PLXNA4: variants seen among roughly 807,000 people sequenced by gnomAD.
The protein encoded by PLXNA4 is plexin A4.
PLXNA4 carries 44 observed loss-of-function variants against 191.8 expected under a neutral mutation model. That is an observed-to-expected ratio of 0.23 (90% CI 0.18 to 0.29). The LOEUF (loss-of-function observed/expected upper bound fraction) is 0.29, where lower values mean the gene tolerates loss of function less well. PLXNA4 is among the 10% of genes least tolerant of loss of function. The pLI is 1.00. For synonymous variants in PLXNA4, 1,082 were observed against 1,009.5 expected, an observed-to-expected ratio of 1.07 and a Z score of -1.36; for missense variants, 1,800 against 2,488.8, an observed-to-expected ratio of 0.72 and a Z score of 5.89.
At chr7:132,309,517 G>A (rs1278885088) in intron 3 of PLXNA4, among the ~76,000 whole-genome samples, 1 of 152,154 alleles carries the variant, frequency 6.6e-6, no homozygotes, top group Non-Finnish European at 1.5e-5. Flanking sequence ...CACATGGGGA[G>A]GCTACCTCCT....
chr7:132,647,911 ACT>A (rs1369433531), intron 1 of PLXNA4, among the ~76,000 whole-genome samples: 2 of 151,888 alleles, frequency 1.3e-5, no homozygotes, highest in African/African-American at 4.8e-5. Context: ...ACGAACACAC[ACT>A]GTCATACACT....
intron 3 of PLXNA4, among the ~76,000 whole-genome samples, chr7:132,421,619 A>AACTACCTTCT (rs1372114786): frequency 1.3e-5 from 2 of 152,138 alleles, no homozygotes; most frequent in Non-Finnish European, 2.9e-5. Flanking sequence ...AAACAAAAAT[A>AACTACCTTCT]ACTACCTTCT....
At chr7:132,192,669 C>T (rs1797130246) in intron 14 of PLXNA4, among the ~76,000 whole-genome samples, 1 of 152,148 alleles carries the variant, frequency 6.6e-6, no homozygotes, top group Non-Finnish European at 1.5e-5. Context: ...AGGCTTCCAG[C>T]TTCCAAAAGC....
At chr7:132,467,573 G>A (rs1383165586) in intron 3 of PLXNA4, among the ~76,000 whole-genome samples, 2 of 152,188 alleles carry the variant, frequency 1.3e-5, no homozygotes, top group African/African-American at 4.8e-5. Flanking sequence ...AGCACATCCT[G>A]TGCCAAGCAC....
intron 14 of PLXNA4, among the ~76,000 whole-genome samples, chr7:132,191,563 T>C (rs546186614): frequency 3.3e-5 from 5 of 152,166 alleles, no homozygotes; most frequent in Admixed American, 1.3e-4. Context: ...GAGGTGGCTC[T>C]AGCCCTGTCC....
intron 3 of PLXNA4, among the ~76,000 whole-genome samples, chr7:132,411,180 A>C (rs1794445140): frequency 1.3e-5 from 2 of 152,218 alleles, no homozygotes; most frequent in African/African-American, 4.8e-5. Context: ...GAGTTGCTCC[A>C]TGTGTCCAAA....
intron 1 of PLXNA4, among the ~76,000 whole-genome samples, chr7:132,509,410 C>T (rs1798618965): frequency 6.6e-6 from 1 of 152,188 alleles, no homozygotes; most frequent in African/African-American, 2.4e-5. Flanking sequence ...CCTTTATTAA[C>T]CTTTTCTCAA....
intron 15 of PLXNA4, among the ~76,000 whole-genome samples, chr7:132,186,633 G>A (rs1796886617): frequency 2.0e-5 from 3 of 152,208 alleles, no homozygotes; most frequent in Admixed American, 2.0e-4. Flanking sequence ...GCAAAAAAGT[G>A]TGGCACCTGT....
At chr7:132,262,794 G>C (rs971690387) in intron 4 of PLXNA4, among the ~76,000 whole-genome samples, 1 of 152,142 alleles carries the variant, frequency 6.6e-6, no homozygotes, top group African/African-American at 2.4e-5. Flanking sequence ...GGAAGGCAGA[G>C]ATGCTGGGTC....
chr7:132,235,682 C>T (rs1489603066), intron 5 of PLXNA4, among the ~76,000 whole-genome samples: 1 of 152,114 alleles, frequency 6.6e-6, no homozygotes, highest in Non-Finnish European at 1.5e-5. Flanking sequence ...CTGGGCCAAT[C>T]GATGCGGCTG....
At chr7:132,368,310 T>A (rs1441585111) in intron 3 of PLXNA4, among the ~76,000 whole-genome samples, 1 of 151,962 alleles carries the variant, frequency 6.6e-6, no homozygotes, top group Non-Finnish European at 1.5e-5. Flanking sequence ...ACTACTAAGG[T>A]ATGAGAGAAA....
intron 9 of PLXNA4, among the ~76,000 whole-genome samples, chr7:132,214,588 C>T (rs1797907189): frequency 6.6e-6 from 1 of 152,100 alleles, no homozygotes; most frequent in Non-Finnish European, 1.5e-5. Context: ...CTGACCTGCC[C>T]CGCGCTGAGA....
chr7:132,646,261 G>A (rs1031055481), intron 1 of PLXNA4, among the ~76,000 whole-genome samples: 1 of 151,972 alleles, frequency 6.6e-6, no homozygotes, highest in African/African-American at 2.4e-5. Flanking sequence ...TGAGTCATCC[G>A]AGGATACAGC....
At chr7:132,573,479 C>G (rs1032605183) in intron 1 of PLXNA4, among the ~76,000 whole-genome samples, 2 of 152,166 alleles carry the variant, frequency 1.3e-5, no homozygotes. Flanking sequence ...GACCCAGCCC[C>G]TTTAGCTCTC....
chr7:132,318,328 C>T (rs183504416), intron 3 of PLXNA4, among the ~76,000 whole-genome samples: 1 of 152,200 alleles, frequency 6.6e-6, no homozygotes, highest in Non-Finnish European at 1.5e-5. Context: ...GAAACTGAGG[C>T]AGAAAAGAGC....
At chr7:132,275,314 T>C (rs1800231619) in intron 4 of PLXNA4, among the ~76,000 whole-genome samples, 1 of 152,212 alleles carries the variant, frequency 6.6e-6, no homozygotes, top group Non-Finnish European at 1.5e-5. Context: ...CCCCCAATGG[T>C]TATATTTTAC....
intron 4 of PLXNA4, among the ~76,000 whole-genome samples, chr7:132,267,493 A>T (rs1004457527): frequency 9.2e-5 from 14 of 152,336 alleles, no homozygotes; most frequent in Middle Eastern, 3.4e-3. Flanking sequence ...GTCTAGACAC[A>T]CATGCCCCAA....
At chr7:132,628,339 T>G (rs906633037) in intron 2 of PLXNA4, among the ~76,000 whole-genome samples, 1 of 152,184 alleles carries the variant, frequency 6.6e-6, no homozygotes, top group Non-Finnish European at 1.5e-5. Flanking sequence ...TCTCTTGCTC[T>G]GTCTCTCTCT....
At chr7:132,443,485 ATC>A (rs1795776147) in intron 3 of PLXNA4, among the ~76,000 whole-genome samples, 3 of 152,100 alleles carry the variant, frequency 2.0e-5, no homozygotes, top group African/African-American at 4.8e-5. Flanking sequence ...CATGACTGTG[ATC>A]TCTCTGCCCT....
Sources: allele counts gnomAD v4.1 joint callset (sites outside exome capture counted in the v4.1 genomes callset), GRCh38; gene constraint gnomAD v4.1.1; transcripts MANE v1.5; gene names NCBI Gene and HGNC (gene_info 2026-07-23, HGNC 2026-07-21).